Variants in GATAD2A observed in about 807,000 individuals in gnomAD.
The protein encoded by GATAD2A is transcriptional repressor p66-alpha.
A neutral mutation model predicts 68.5 loss-of-function variants in GATAD2A; 12 were observed. The observed-to-expected ratio is 0.18, with a 90% CI of 0.11 to 0.28. GATAD2A has a LOEUF of 0.28. Ranked by LOEUF, GATAD2A falls within the 10% of genes least tolerant of loss-of-function variation. The probability of loss-of-function intolerance (pLI) is 1.00; values close to 1 mark genes in which losing one functional copy is unlikely to be tolerated. For synonymous variants in GATAD2A, 410 were observed against 375.3 expected, an observed-to-expected ratio of 1.09 and a Z score of -1.07; for missense variants, 755 against 868.5, an observed-to-expected ratio of 0.87 and a Z score of 1.64.
intron 2 of GATAD2A, among the ~76,000 whole-genome samples, chr19:19,480,224 A>G (rs1450571366): frequency 6.6e-6 from 1 of 152,156 alleles, no homozygotes; most frequent in Non-Finnish European, 1.5e-5. Flanking sequence ...CCTGAATGAC[A>G]TTTTACTCAC....
chr19:19,474,004 GA>G, intron 2 of GATAD2A: 1 of 982,014 alleles, frequency 1.0e-6, no homozygotes, highest in Non-Finnish European at 1.2e-6. Context: ...AAACAAATCA[GA>G]AAGTAATGTG....
intron 4 of GATAD2A, among the ~76,000 whole-genome samples, chr19:19,493,716 C>T (rs1428392413): frequency 6.6e-6 from 1 of 151,816 alleles, no homozygotes; most frequent in Non-Finnish European, 1.5e-5. Flanking sequence ...TTTTTGAAAC[C>T]CTGCCCCCAC....
At position 19,507,753 on chromosome 19, in the gene GATAD2A, CT is replaced by C. The variant is rs55702467; in HGVS notation, c.*2290del. The C allele has an allele frequency of 5.6e-3, 842 of 150,622 alleles. 7 individuals are homozygous for C. Among genetic ancestry groups the C allele is most frequent in the South Asian group, 0.041 (195 of 4,782 alleles). The allele number at this position is 150,622 out of a possible 1,614,324, so 9.3% of individuals were successfully genotyped here. A position where few individuals can be genotyped will look rare whatever the true frequency, so the allele number is the denominator to read the frequency against. On this transcript the variant is annotated 3_prime_UTR_variant, in exon 12 of 12. Transcript: ENST00000683918. Reference sequence around the variant, plus strand: ...GACAACGTACATACTGTGATGTAAACTTTTTTTTTTTCCCCCCAGGGGGCAA... The same window carrying C: ...GACAACGTACATACTGTGATGTAAACTTTTTTTTTTCCCCCCAGGGGGCAA...
In GATAD2A at chr19:19,505,994, CTCA is replaced by C. The variant is rs1242622662; in HGVS notation, c.*522_*524del. 2.5e-6 allele frequency: 1 copy of C among 398,548 alleles called. No individual in the cohort carries two copies. Among genetic ancestry groups the C allele is most frequent in the Admixed American group, 4.4e-5 (1 of 22,688 alleles). 24.7% of individuals were successfully genotyped at this position (398,548 alleles called of 1,614,324 possible). On this transcript the variant is annotated 3_prime_UTR_variant, in exon 12 of 12. Transcript: ENST00000683918. ...AAAGATTTTTTTTTTTTTTAATCACCTCATGATGATGGAGTTAAAAGTAAACCG... is the reference window on the plus strand; with the variant it reads ...AAAGATTTTTTTTTTTTTTAATCACCTGATGATGGAGTTAAAAGTAAACCG...
chr19:19,423,608 C>G (rs1203164764), intron 1 of GATAD2A, among the ~76,000 whole-genome samples: 1 of 152,236 alleles, frequency 6.6e-6, no homozygotes, highest in Non-Finnish European at 1.5e-5. Flanking sequence ...CCAGCCAAGT[C>G]TGAGAATTTA....
At chr19:19,392,853 C>T (rs879738870) in intron 1 of GATAD2A, among the ~76,000 whole-genome samples, 3 of 151,894 alleles carry the variant, frequency 2.0e-5, no homozygotes, top group East Asian at 3.9e-4. Context: ...TGCACCACTG[C>T]GCTCAGCTGA....
chr19:19,484,169 C>T (rs746279462), intron 2 of GATAD2A, among the ~76,000 whole-genome samples: 1 of 152,152 alleles, frequency 6.6e-6, no homozygotes, highest in East Asian at 1.9e-4. Context: ...CACAGCGAGA[C>T]CCCACCTGTA....
rs763779138 is a variant in GATAD2A at position 19,498,557 on chromosome 19, G to A, written c.1039G>A (p.Ala347Thr). 1 of 1,613,930 alleles carries A rather than the reference G, an allele frequency of 6.2e-7. No homozygotes were observed. Among genetic ancestry groups the A allele is most frequent in the Non-Finnish European group, 8.5e-7 (1 of 1,180,004 alleles). The change falls in exon 8 of 12, where the codon GCC becomes ACC. Residue 347 changes from alanine to threonine, a missense_variant. By Grantham distance (58) the Ala-to-Thr change is moderately conservative. Transcript: ENST00000683918. ...CGAGTCTCCAGCAAGCCGACAGGCG[G>A]CCGCCAAGCTGGCGCTGCGCAAACA... ...SAESPASRQA[A>T]AKLALRKQLE...
intron 1 of GATAD2A, among the ~76,000 whole-genome samples, chr19:19,418,354 G>A (rs541566822): frequency 6.6e-6 from 1 of 152,216 alleles, no homozygotes; most frequent in Non-Finnish European, 1.5e-5. Flanking sequence ...TTTGTGTTAG[G>A]TGAAAGTGTG....
At chr19:19,413,141 G>A (rs1435680179) in intron 1 of GATAD2A, among the ~76,000 whole-genome samples, 3 of 152,182 alleles carry the variant, frequency 2.0e-5, no homozygotes, top group Non-Finnish European at 4.4e-5. Context: ...TGTTGCTGGG[G>A]TTTCAAGTTG....
At chr19:19,402,827 G>C (rs1173054691), upstream of GATAD2A, among the ~76,000 whole-genome samples, 1 of 144,218 alleles carries the variant, frequency 6.9e-6, no homozygotes, top group African/African-American at 2.6e-5. Context: ...AGGCTGTAGC[G>C]TAATAGCGCG....
intron 1 of GATAD2A, chr19:19,464,713 C>G (rs964894881): frequency 6.5e-6 from 1 of 154,838 alleles, no homozygotes; most frequent in Non-Finnish European, 1.4e-5. Context: ...GGCAGTGGCA[C>G]GTTGATGGGC....
intron 11 of GATAD2A, among the ~76,000 whole-genome samples, chr19:19,505,082 C>T (rs2060797877): frequency 6.6e-6 from 1 of 152,174 alleles, no homozygotes; most frequent in African/African-American, 2.4e-5. Context: ...AGCTGCTCAC[C>T]CTCTGATGAT....
At chr19:19,465,669 C>T in intron 2 of GATAD2A, 55 bp downstream of exon 2, 1 of 1,539,954 alleles carries the variant, frequency 6.5e-7, no homozygotes, top group South Asian at 1.2e-5. Flanking sequence ...GCCCAGTGTG[C>T]CCAGGTTGGG....
At chr19:19,478,247 G>T (rs1489921107) in intron 2 of GATAD2A, among the ~76,000 whole-genome samples, 1 of 152,128 alleles carries the variant, frequency 6.6e-6, no homozygotes, top group African/African-American at 2.4e-5. Flanking sequence ...TCCATCTGTG[G>T]GCCCCAGACA....
intron 1 of GATAD2A, among the ~76,000 whole-genome samples, chr19:19,420,177 GTTTTT>G (rs71170684): frequency 6.7e-5 from 6 of 89,922 alleles, no homozygotes; most frequent in Admixed American, 1.3e-4. Context: ...TATCCAGCTA[GTTTTT>G]TTTTTTTTTT....
intron 2 of GATAD2A, among the ~76,000 whole-genome samples, chr19:19,485,116 A>G (rs1174549643): frequency 6.6e-6 from 1 of 152,148 alleles, no homozygotes; most frequent in African/African-American, 2.4e-5. Flanking sequence ...TCCCTCTGTC[A>G]GGGGGTGCTT....
intron 1 of GATAD2A, chr19:19,429,353 C>T (rs73922881): frequency 6.0e-5 from 25 of 417,898 alleles, no homozygotes; most frequent in African/African-American, 5.4e-4. Context: ...GTGCAAAGGT[C>T]TGGCACGGGG....
chr19:19,418,265 C>T (rs1391153625), intron 1 of GATAD2A, among the ~76,000 whole-genome samples: 1 of 152,174 alleles, frequency 6.6e-6, no homozygotes, highest in Non-Finnish European at 1.5e-5. Flanking sequence ...GCTCTCTGAC[C>T]CCATCTGACT....
Sources: gnomAD v4.1 joint callset for allele counts (sites outside exome capture counted in the v4.1 genomes callset) on GRCh38, gnomAD v4.1.1 for gene constraint, MANE v1.5 for transcripts, NCBI Gene and HGNC (gene_info 2026-07-23, HGNC 2026-07-21) for gene names.